The following RERG variants were observed in gnomAD, a reference collection of about 807,000 sequenced individuals.
RERG encodes ras-related and estrogen-regulated growth inhibitor.
Under a neutral mutation model 23.2 loss-of-function variants are expected in RERG, and 25 were observed. That is an observed-to-expected ratio of 1.08 (90% CI 0.79 to 1.50). The LOEUF (loss-of-function observed/expected upper bound fraction) is 1.50. Ranked by LOEUF, RERG falls within the 40% of genes most tolerant of loss-of-function variation. The pLI, the probability that RERG is intolerant of heterozygous loss-of-function variation, is 0.00. For missense variants in RERG, 253 were observed against 250.1 expected (o/e 1.01, Z -0.08); for synonymous variants, 81 against 89.1 (o/e 0.91, Z 0.51).
intron 3 of RERG, among the ~76,000 whole-genome samples, chr12:15,116,418 T>C (rs936644355): frequency 2.0e-5 from 3 of 152,218 alleles, no homozygotes; most frequent in African/African-American, 4.8e-5. Context: ...AAATAGGGTA[T>C]GTATTTCAAT....
At chr12:15,201,097 T>C (rs1308239674) in intron 2 of RERG, among the ~76,000 whole-genome samples, 2 of 151,926 alleles carry the variant, frequency 1.3e-5, no homozygotes, top group East Asian at 3.9e-4. Flanking sequence ...TAAGATCTTT[T>C]AGTAGTTTAA....
At chr12:15,133,945 T>C (rs1864098832) in intron 2 of RERG, among the ~76,000 whole-genome samples, 1 of 152,146 alleles carries the variant, frequency 6.6e-6, no homozygotes, top group Non-Finnish European at 1.5e-5. Flanking sequence ...ATTTTTTTAG[T>C]TGACTTTTTT....
chr12:15,109,375 G>A lies in RERG; in HGVS notation c.335C>T (p.Thr112Ile). Residue 112 changes from threonine to isoleucine, a missense_variant, in exon 5 of 5, where the codon ACT (threonine) becomes ATT (isoleucine). Coordinates refer to ENST00000256953, the MANE Select transcript of RERG (RefSeq NM_032918.3). Reference sequence around the variant, plus strand: ...AGCTTTGTTTCCAACCAAGATGAGAGTCACATTCTTGGGCTTTTTGATCTC... The same window carrying A: ...AGCTTTGTTTCCAACCAAGATGAGAATCACATTCTTGGGCTTTTTGATCTC... ...LDEIKKPKNV[T>I]LILVGNKADL... 1.2e-6 allele frequency: 2 copies of A among 1,614,038 alleles called. No homozygotes were observed. Among genetic ancestry groups the A allele is most frequent in the South Asian group, 2.2e-5 (2 of 91,080 alleles).
At chr12:15,143,601 T>G (rs1267770806) in intron 2 of RERG, among the ~76,000 whole-genome samples, 1 of 152,164 alleles carries the variant, frequency 6.6e-6, no homozygotes, top group African/African-American at 2.4e-5. Flanking sequence ...CAATATTGAT[T>G]GAGCAGCTAC....
At chr12:15,156,851 T>C (rs1460235023) in intron 2 of RERG, among the ~76,000 whole-genome samples, 1 of 152,190 alleles carries the variant, frequency 6.6e-6, no homozygotes, top group Non-Finnish European at 1.5e-5. Flanking sequence ...ACAAGTTATT[T>C]ACTTCTCTAA....
intron 2 of RERG, among the ~76,000 whole-genome samples, chr12:15,199,233 C>G (rs138367213): frequency 6.6e-6 from 1 of 152,102 alleles, no homozygotes; most frequent in African/African-American, 2.4e-5. Context: ...AAATTGGCAA[C>G]GTGAGGTACT....
At chr12:15,179,709 T>G (rs1273759276) in intron 2 of RERG, among the ~76,000 whole-genome samples, 1 of 152,066 alleles carries the variant, frequency 6.6e-6, no homozygotes, top group African/African-American at 2.4e-5. Context: ...CCAATTGCCA[T>G]CCCTGAAAGC....
At position 15,178,335 on chromosome 12, in the gene RERG, T is replaced by C. The variant is rs1189179264; in HGVS notation, c.61+39094A>G. ...TTTCTACAATATTCATTATTATATA[T>C]GTCTTTGAGCCTCTGTTAAAAATAT... On this transcript the variant is annotated intron_variant, in intron 2 of 4. Transcript: ENST00000256953. Among the ~76,000 whole-genome samples the C allele has an allele frequency of 2.0e-5, 3 of 152,174 alleles. No homozygotes were observed. In the East Asian group the frequency reaches 5.8e-4, roughly 29 times the overall value.
At chr12:15,161,269 T>C (rs1026735996) in intron 2 of RERG, among the ~76,000 whole-genome samples, 1 of 151,470 alleles carries the variant, frequency 6.6e-6, no homozygotes, top group South Asian at 2.1e-4. Flanking sequence ...CTAGTACAAA[T>C]AAAGTAATAA....
intron 2 of RERG, among the ~76,000 whole-genome samples, chr12:15,193,982 C>A (rs555652438): frequency 2.6e-4 from 40 of 152,060 alleles, no homozygotes; most frequent in Non-Finnish European, 5.1e-4. Context: ...CCCATCCCTC[C>A]CTCCAAAAGG....
At chr12:15,195,571 G>A (rs1038736313) in intron 2 of RERG, among the ~76,000 whole-genome samples, 5 of 124,212 alleles carry the variant, frequency 4.0e-5, no homozygotes, top group African/African-American at 9.3e-5. Flanking sequence ...GTGTGTGTGT[G>A]TGTGTGTGTG....
intron 2 of RERG, among the ~76,000 whole-genome samples, chr12:15,173,134 T>C (rs1864799249): frequency 6.6e-6 from 1 of 152,078 alleles, no homozygotes; most frequent in Non-Finnish European, 1.5e-5. Context: ...CTATAATCCA[T>C]TTTGAGTTAA....
At chr12:15,187,245 C>T (rs1466533151) in intron 2 of RERG, among the ~76,000 whole-genome samples, 1 of 152,032 alleles carries the variant, frequency 6.6e-6, no homozygotes, top group Non-Finnish European at 1.5e-5. Flanking sequence ...ATGCTGAATA[C>T]TAGTAAAACA....
chr12:15,111,256 G>A, intron 4 of RERG, 88 bp downstream of exon 4: 1 of 975,626 alleles, frequency 1.0e-6, no homozygotes, highest in Non-Finnish European at 1.6e-6. Context: ...AAAGTTAGTT[G>A]AAGAAAAGTG....
At chr12:15,202,512 T>C (rs1430610804) in intron 2 of RERG, among the ~76,000 whole-genome samples, 1 of 151,822 alleles carries the variant, frequency 6.6e-6, no homozygotes, top group Non-Finnish European at 1.5e-5. Flanking sequence ...AGTTTGACTA[T>C]TGTATTTGCC....
chr12:15,191,691 T>C (rs1865073650), intron 2 of RERG, among the ~76,000 whole-genome samples: 5 of 152,168 alleles, frequency 3.3e-5, no homozygotes, highest in Admixed American at 3.3e-4. Context: ...CTATGCTATT[T>C]CTTCCACTCT....
At chr12:15,180,914 G>A (rs566804228) in intron 2 of RERG, among the ~76,000 whole-genome samples, 15 of 152,312 alleles carry the variant, frequency 9.8e-5, no homozygotes, top group African/African-American at 3.6e-4. Context: ...GAGTTGTAAA[G>A]ATACTTCAAA....
intron 2 of RERG, among the ~76,000 whole-genome samples, chr12:15,158,540 C>G (rs914834614): frequency 8.5e-5 from 13 of 152,238 alleles, no homozygotes; most frequent in Admixed American, 4.6e-4. Flanking sequence ...CCTCGGCCTC[C>G]CAAAGTGCTG....
At chr12:15,175,491 G>C (rs1380501713) in intron 2 of RERG, among the ~76,000 whole-genome samples, 3 of 151,706 alleles carry the variant, frequency 2.0e-5, no homozygotes, top group Non-Finnish European at 2.9e-5. Context: ...ACTAGAGACT[G>C]GGGCCGTCTC....
Sources: allele counts gnomAD v4.1 joint callset (sites outside exome capture counted in the v4.1 genomes callset), GRCh38; gene constraint gnomAD v4.1.1; transcripts MANE v1.5; gene names NCBI Gene and HGNC (gene_info 2026-07-23, HGNC 2026-07-21).